ZNF609: variants seen among roughly 807,000 people sequenced by gnomAD.
ZNF609 encodes zinc finger protein 609.
In ZNF609, 11 loss-of-function variants were observed where a neutral mutation model predicts 109.5. The observed-to-expected ratio is 0.10, with a 90% CI of 0.06 to 0.17. ZNF609 has a LOEUF of 0.17. ZNF609 is among the 10% of genes least tolerant of loss of function. The pLI is 1.00. For synonymous variants in ZNF609, 646 were observed against 662.0 expected (o/e 0.98, Z 0.37); for missense variants, 1,559 against 1,772.4 (o/e 0.88, Z 2.16).
intron 1 of ZNF609, among the ~76,000 whole-genome samples, chr15:64,496,055 G>A (rs544441893): frequency 6.6e-6 from 1 of 152,256 alleles, no homozygotes; most frequent in East Asian, 1.9e-4. Context: ...CTGACCTCAA[G>A]TGATCCTCCT....
chr15:64,540,907 AG>A (rs1198586381), intron 2 of ZNF609, among the ~76,000 whole-genome samples: 1 of 150,224 alleles, frequency 6.7e-6, no homozygotes, highest in Non-Finnish European at 1.5e-5. Flanking sequence ...ATGCACCTGT[AG>A]TCCCAGCTAC....
At chr15:64,607,302 G>A (rs73453006) in intron 2 of ZNF609, among the ~76,000 whole-genome samples, 7,041 of 151,964 alleles carry the variant, frequency 0.046, 546 homozygotes, top group African/African-American at 0.16. Context: ...TACATTATCT[G>A]TAAAACAACA....
chr15:64,544,306 C>T (rs113494617), intron 2 of ZNF609, among the ~76,000 whole-genome samples: 7,331 of 152,250 alleles, frequency 0.048, 234 homozygotes, highest in South Asian at 0.086. Context: ...TGCCACTGCC[C>T]TCAGCCTGGG....
chr15:64,675,988 C>T lies in ZNF609; in HGVS notation c.3134C>T (p.Ser1045Leu), dbSNP rs762017077. The T allele has an allele frequency of 1.9e-6, 3 of 1,614,100 alleles. No homozygotes were observed. Among genetic ancestry groups the T allele is most frequent in the South Asian group, 2.2e-5 (2 of 91,094 alleles). ...ALKEEWKQKP[S>L]IPPTLTKAPS... ...AAGGAAGAGTGGAAGCAAAAGCCGT[C>T]AATTCCACCAACTCTCACCAAGGCC... The change falls in exon 5 of 10, where the codon TCA becomes TTA. Residue 1045 changes from serine (S) to leucine (L), a missense_variant. Coordinates refer to ENST00000326648, the MANE Select transcript of ZNF609 (RefSeq NM_015042.2).
At chr15:64,508,110 A>G (rs1214112549) in intron 2 of ZNF609, among the ~76,000 whole-genome samples, 1 of 152,238 alleles carries the variant, frequency 6.6e-6, no homozygotes, top group African/African-American at 2.4e-5. Flanking sequence ...ATAGTGTGAT[A>G]AAAGAGAGAC....
chr15:64,656,120 A>G (rs576064930), intron 3 of ZNF609, among the ~76,000 whole-genome samples: 399 of 151,996 alleles, frequency 2.6e-3, no homozygotes, highest in African/African-American at 9.5e-3. Flanking sequence ...CTGGAGTGCA[A>G]TGGCGCGATC....
chr15:64,652,488 C>T (rs1305192334), intron 3 of ZNF609, among the ~76,000 whole-genome samples: 1 of 151,264 alleles, frequency 6.6e-6, no homozygotes, highest in South Asian at 2.1e-4. Context: ...CCAGGCTCAG[C>T]CATTCTCCCC....
intron 2 of ZNF609, among the ~76,000 whole-genome samples, chr15:64,617,876 CTT>C (rs1240652017): frequency 6.6e-6 from 1 of 152,184 alleles, no homozygotes; most frequent in Admixed American, 6.5e-5. Flanking sequence ...CTATAAGTCT[CTT>C]TTCAAGCTTT....
chr15:64,537,914 A>G (rs1894181786), intron 2 of ZNF609, among the ~76,000 whole-genome samples: 2 of 152,060 alleles, frequency 1.3e-5, no homozygotes. Context: ...CAGCCTTACC[A>G]ACATGGAGAA....
chr15:64,549,014 G>A lies in ZNF609; in HGVS notation c.747+48848G>A, dbSNP rs76725435. On this transcript the variant is annotated intron_variant, in intron 2 of 9. Transcript: ENST00000326648. ...TTCACCTGAAAACCCTGAAATTTAG[G>A]CACATGAATTTTTTTTATTCCGTTT... 3.3e-5 allele frequency among the ~76,000 whole-genome samples: 5 copies of A among 152,214 alleles called. No homozygotes were observed. In the East Asian group the frequency reaches 9.6e-4, roughly 29 times the overall value.
rs141270532 is a variant in ZNF609 at position 64,622,054 on chromosome 15, A to G, written c.748-773A>G. Among the ~76,000 whole-genome samples, 35 of 152,126 alleles carry G rather than the reference A, an allele frequency of 2.3e-4. 1 individual carries two copies. In the East Asian group the frequency reaches 2.5e-3, roughly 11 times the overall value. On this transcript the variant is annotated intron_variant, in intron 2 of 9. Transcript: ENST00000326648. ...TTTGACTATTTCTATCTATGTGTACATAATCAACAACATCTTCAGACTGCT... is the reference window on the plus strand; with the variant it reads ...TTTGACTATTTCTATCTATGTGTACGTAATCAACAACATCTTCAGACTGCT...
In ZNF609 at chr15:64,624,761, C is replaced by CTTT. The variant is rs11411889; in HGVS notation, c.973+1723_973+1725dup. Among the ~76,000 whole-genome samples, 13 of 131,850 alleles carry CTTT rather than the reference C, an allele frequency of 9.9e-5. 1 individual carries two copies. The highest frequency in any genetic ancestry group is 9.4e-5 in the Non-Finnish European group (6 of 64,116). The allele number at this position is 131,850 out of a possible 152,430, so 86.5% of individuals were successfully genotyped here. ...TTACCAAGTTCCCCTGTTACGTACA[C>CTTT]TTTTTTTTTTTTTTTTGAGATGGAG... is the stretch of plus-strand genomic sequence containing the variant. On this transcript the variant is annotated intron_variant, in intron 3 of 9. Coordinates refer to ENST00000326648, the MANE Select transcript of ZNF609 (RefSeq NM_015042.2).
intron 2 of ZNF609, among the ~76,000 whole-genome samples, chr15:64,542,018 T>G (rs1293707393): frequency 1.3e-5 from 2 of 151,996 alleles, no homozygotes; most frequent in Non-Finnish European, 2.9e-5. Flanking sequence ...CATGGTAGTA[T>G]AGACCTGTAA....
intron 3 of ZNF609, among the ~76,000 whole-genome samples, chr15:64,655,878 C>T (rs372004251): frequency 1.3e-5 from 2 of 152,022 alleles, no homozygotes; most frequent in South Asian, 2.1e-4. Context: ...GTACATTAAA[C>T]ATAAAGAATG....
rs140634182 is a variant in ZNF609 at position 64,675,677 on chromosome 15, C to T, written c.2823C>T (p.Asn941=). 2.2e-5 allele frequency: 36 copies of T among 1,613,878 alleles called. No individual in the cohort carries two copies. Among genetic ancestry groups the T allele is most frequent in the East Asian group, 8.9e-5 (4 of 44,906 alleles). ...AGAGCATAGAAGGGAAAGTGAAGAA[C>T]GATATCTGTGAAGAAAAGAAGCCCG... ...EPESIEGKVK[N]DICEEKKPEL... Residue 941 remains asparagine (N), a synonymous_variant, in exon 5 of 10, where the codon AAC becomes AAT. Coordinates refer to ENST00000326648, the MANE Select transcript of ZNF609 (RefSeq NM_015042.2).
At chr15:64,613,843 T>G (rs866041826) in intron 2 of ZNF609, among the ~76,000 whole-genome samples, 3 of 150,246 alleles carry the variant, frequency 2.0e-5, no homozygotes, top group Admixed American at 2.0e-4. Context: ...CCACTCCGCC[T>G]GGCCTAAACT....
intron 4 of ZNF609, among the ~76,000 whole-genome samples, chr15:64,671,674 G>A (rs182641724): frequency 1.3e-4 from 20 of 152,230 alleles, no homozygotes; most frequent in Non-Finnish European, 2.5e-4. Flanking sequence ...AAATCCAGGC[G>A]TTGAGGGTAA....
intron 1 of ZNF609, among the ~76,000 whole-genome samples, chr15:64,485,161 C>T (rs1325676372): frequency 1.3e-5 from 2 of 151,976 alleles, no homozygotes; most frequent in Non-Finnish European, 2.9e-5. Context: ...ATTCTGTTGA[C>T]CCCGAAGAAG....
chr15:64,670,708 G>A (rs904047215), intron 4 of ZNF609, among the ~76,000 whole-genome samples: 3 of 151,068 alleles, frequency 2.0e-5, no homozygotes, highest in East Asian at 2.0e-4. Context: ...GAGAAACCCC[G>A]TCTCTACTAA....
Sources: allele counts gnomAD v4.1 joint callset (sites outside exome capture counted in the v4.1 genomes callset), GRCh38; gene constraint gnomAD v4.1.1; transcripts MANE v1.5; gene names NCBI Gene and HGNC (gene_info 2026-07-23, HGNC 2026-07-21).